Variants in SLC35F2 observed in about 807,000 individuals in gnomAD.
SLC35F2 encodes queuine/queuosine transporter SLC35F2.
SLC35F2 carries 25 observed loss-of-function variants against 38.1 expected under a neutral mutation model. The ratio of observed to expected loss-of-function variants is 0.66; its 90% confidence interval spans 0.48 to 0.92. The LOEUF (loss-of-function observed/expected upper bound fraction) is 0.92. Ranked by LOEUF, SLC35F2 falls within the 40% of genes least tolerant of loss-of-function variation. The pLI, the probability that SLC35F2 is intolerant of heterozygous loss-of-function variation, is 0.00. For missense variants in SLC35F2, 409 were observed against 452.9 expected, an observed-to-expected ratio of 0.90 and a Z score of 0.88; for synonymous variants, 173 against 181.7, an observed-to-expected ratio of 0.95 and a Z score of 0.38.
chr11:107,810,056 A>G (rs1859459123), intron 3 of SLC35F2: 1 of 985,328 alleles, frequency 1.0e-6, no homozygotes, highest in South Asian at 4.7e-5. Context: ...GAAGGTTCAA[A>G]GACCACCTAA....
rs72313181 is a variant in SLC35F2 at position 107,816,267 on chromosome 11, C to CGTGT, written c.111-306_111-303dup. 0.017 allele frequency: 15,828 copies of CGTGT among 953,842 alleles called. 1,332 individuals are homozygous for CGTGT. In the African/African-American group the frequency reaches 0.23, roughly 14 times the overall value. The allele number at this position is 953,842 out of a possible 1,614,324, so 59.1% of individuals were successfully genotyped here. A position where few individuals can be genotyped will look rare whatever the true frequency, so the allele number is the denominator to read the frequency against. ...TAACATATACTTTGTAAAGTGCGCA[C>CGTGT]GTGTGTGTGTGTGTGTATGACTTTT... is the stretch of plus-strand genomic sequence containing the variant. On this transcript the variant is annotated intron_variant, in intron 1 of 7. Transcript: ENST00000525815.
At chr11:107,809,848 C>G in intron 3 of SLC35F2, 1 of 985,188 alleles carries the variant, frequency 1.0e-6, no homozygotes, top group Non-Finnish European at 1.2e-6. Flanking sequence ...ATGAGGGGAG[C>G]AGGCTTCAAA....
chr11:107,818,664 T>C (rs1859621071), intron 1 of SLC35F2, among the ~76,000 whole-genome samples: 1 of 152,044 alleles, frequency 6.6e-6, no homozygotes, highest in Non-Finnish European at 1.5e-5. Flanking sequence ...TATTGATACA[T>C]GAGTTCTTGT....
Position 107,815,904 on chromosome 11 carries a change from T to C in SLC35F2, c.172A>G (p.Ile58Val). ...CTTTCTGCCAAATACTGGCTGGTGA[T>C]GGCTGTCCCACATATACACAAGGAC... ...MLSLCICGTA[I>V]TSQYLAERYK... The change falls in exon 2 of 8, where the codon ATC (isoleucine) becomes GTC (valine). Residue 58 changes from isoleucine (I) to valine (V), a missense_variant. By Grantham distance (29) the Ile-to-Val change is conservative. Transcript: ENST00000525815. 6.2e-7 allele frequency: 1 copy of C among 1,614,078 alleles called. No individual in the cohort carries two copies. The highest frequency in any genetic ancestry group is 8.5e-7 in the Non-Finnish European group (1 of 1,180,016).
chr11:107,791,045 CTTT>C lies in SLC35F2; in HGVS notation c.*1567_*1569del, dbSNP rs1371482500. 6.6e-6 allele frequency: 1 copy of C among 152,510 alleles called. No homozygotes were observed. The highest frequency in any genetic ancestry group is 2.4e-5 in the African/African-American group (1 of 41,426). The allele number at this position is 152,510 out of a possible 1,614,324, so 9.4% of individuals were successfully genotyped here. ...TGATGTGAACACTTACTCCCCATTT[CTTT>C]TTTACATTGTTACAAAAAATTTACA... is the stretch of plus-strand genomic sequence containing the variant. On this transcript the variant is annotated 3_prime_UTR_variant, in exon 8 of 8. Transcript: ENST00000525815.
At chr11:107,801,753 A>G (rs1300785344) in intron 7 of SLC35F2, among the ~76,000 whole-genome samples, 2 of 152,216 alleles carry the variant, frequency 1.3e-5, no homozygotes, top group African/African-American at 4.8e-5. Context: ...CTTTAACATG[A>G]TGCAATCATA....
chr11:107,851,321 G>T (rs1860181524), intron 1 of SLC35F2, among the ~76,000 whole-genome samples: 1 of 150,558 alleles, frequency 6.6e-6, no homozygotes, highest in African/African-American at 2.4e-5. Flanking sequence ...AAATTAGCCA[G>T]GCATGGTGGC....
chr11:107,830,976 C>G (rs931617337), intron 1 of SLC35F2, among the ~76,000 whole-genome samples: 1 of 152,076 alleles, frequency 6.6e-6, no homozygotes, highest in African/African-American at 2.4e-5. Flanking sequence ...TATAAAATGT[C>G]TCACACTGTA....
chr11:107,818,077 AAAGAAAGAAAGAAAGAAAGAAAG>A (rs1859608726), intron 1 of SLC35F2, among the ~76,000 whole-genome samples: 1 of 67,598 alleles, frequency 1.5e-5, no homozygotes, highest in Non-Finnish European at 3.2e-5. Context: ...AAAAAAAAAG[AAAGAAAGAAAGAAAGAAAGAAAG>A]AAAGAAAGAA....
At chr11:107,831,633 C>T (rs745706046) in intron 1 of SLC35F2, among the ~76,000 whole-genome samples, 4 of 152,176 alleles carry the variant, frequency 2.6e-5, no homozygotes, top group Non-Finnish European at 5.9e-5. Context: ...CAACATTAAT[C>T]CTATATTTCC....
chr11:107,829,360 A>G (rs904176215), intron 1 of SLC35F2, among the ~76,000 whole-genome samples: 122 of 151,848 alleles, frequency 8.0e-4, no homozygotes, highest in Non-Finnish European at 1.4e-3. Context: ...CAGAGGCTGC[A>G]GTGAACAGAG....
intron 1 of SLC35F2, among the ~76,000 whole-genome samples, chr11:107,824,146 T>TA (rs966476621): frequency 1.3e-5 from 2 of 152,066 alleles, no homozygotes; most frequent in Non-Finnish European, 2.9e-5. Flanking sequence ...TCAAAGTAGC[T>TA]AAAAAAGTCA....
At chr11:107,805,580 C>A in intron 4 of SLC35F2, 65 bp from the exon 5 acceptor site, 1 of 1,544,398 alleles carries the variant, frequency 6.5e-7, no homozygotes, top group Non-Finnish European at 8.7e-7. Flanking sequence ...AGCGTGCCTC[C>A]AGGCGGTCAT....
intron 4 of SLC35F2, among the ~76,000 whole-genome samples, chr11:107,806,429 G>T (rs1353095450): frequency 6.6e-6 from 1 of 152,194 alleles, no homozygotes; most frequent in Non-Finnish European, 1.5e-5. Context: ...TAACTCACTT[G>T]TAGACTGGGT....
chr11:107,818,118 AAGAAAGAAAG>A (rs1859612513), intron 1 of SLC35F2, among the ~76,000 whole-genome samples: 1 of 147,400 alleles, frequency 6.8e-6, no homozygotes, highest in Non-Finnish European at 1.5e-5. Flanking sequence ...GAAAGAAAGA[AAGAAAGAAAG>A]AAAGAAAAAG....
intron 7 of SLC35F2, among the ~76,000 whole-genome samples, chr11:107,800,173 C>T (rs557478318): frequency 2.0e-5 from 3 of 152,198 alleles, no homozygotes; most frequent in East Asian, 1.9e-4. Context: ...CAGGTATGAG[C>T]CACTGCGCCC....
In SLC35F2 at chr11:107,802,835, G is replaced by A. The variant is rs146250055; in HGVS notation, c.939+166C>T. On this transcript the variant is annotated intron_variant, in intron 7 of 7. Coordinates refer to ENST00000525815, the MANE Select transcript of SLC35F2 (RefSeq NM_017515.5). ...AAAACCCTAGAAGGACAATTCTTAC[G>A]TGAACCCATTTTGTAATTCAGAAGC... Among the ~76,000 whole-genome samples the A allele has an allele frequency of 1.3e-4, 20 of 152,296 alleles. No homozygotes were observed. In the East Asian group the frequency reaches 3.5e-3, roughly 26 times the overall value.
At chr11:107,803,912 G>A (rs189378892) in intron 6 of SLC35F2, among the ~76,000 whole-genome samples, 56 of 151,926 alleles carry the variant, frequency 3.7e-4, no homozygotes, top group African/African-American at 1.2e-3. Context: ...TGCAACCTCC[G>A]CCTCCCAGGT....
At chr11:107,815,480 C>G (rs186715273) in intron 2 of SLC35F2, among the ~76,000 whole-genome samples, 93 of 151,794 alleles carry the variant, frequency 6.1e-4, no homozygotes, top group African/African-American at 1.9e-3. Flanking sequence ...ATCACTTGAG[C>G]CTGGGAGGTC....
Sources: allele counts gnomAD v4.1 joint callset (sites outside exome capture counted in the v4.1 genomes callset), GRCh38; gene constraint gnomAD v4.1.1; transcripts MANE v1.5; gene names NCBI Gene and HGNC (gene_info 2026-07-23, HGNC 2026-07-21).